Variants in TTL observed in about 807,000 individuals in gnomAD.
TTL encodes tubulin tyrosine ligase.
A neutral mutation model predicts 41.1 loss-of-function variants in TTL; 10 were observed. The ratio of observed to expected loss-of-function variants is 0.24; its 90% CI spans 0.15 to 0.41. TTL has a LOEUF of 0.41. Ranked by LOEUF, TTL falls within the 10% of genes least tolerant of loss-of-function variation. The pLI is 1.00. For missense variants in TTL, 367 were observed against 460.4 expected (o/e 0.80, Z 1.86); for synonymous variants, 175 against 175.5 (o/e 1.00, Z 0.02).
chr2:112,528,136 T>C (rs1682411745), intron 6 of TTL, among the ~76,000 whole-genome samples: 2 of 152,220 alleles, frequency 1.3e-5, no homozygotes, highest in South Asian at 4.1e-4. Context: ...TGTTGAATAT[T>C]GGCCCCCACT....
Position 112,535,941 on chromosome 2 carries a change from A to G in TTL, c.*7146A>G, listed in dbSNP as rs1682589403. The G allele has an allele frequency of 6.6e-6, 1 of 152,192 alleles. No homozygotes were observed. The highest frequency in any genetic ancestry group is 6.6e-5 in the Admixed American group (1 of 15,266). The allele number at this position is 152,192 out of a possible 1,614,324, so 9.4% of individuals were successfully genotyped here. ...CACCTTAGCCACCCAAGTAGCTGGA[A>G]CTATAGGTGCCTGCCACCATACTTG... On this transcript the variant is annotated 3_prime_UTR_variant, in exon 7 of 7. Transcript: ENST00000233336.
At chr2:112,528,569 A>G (rs1306948186) in intron 6 of TTL, 112 bp from the exon 7 acceptor site, 3 of 824,328 alleles carry the variant, frequency 3.6e-6, no homozygotes, top group Non-Finnish European at 6.0e-6. Flanking sequence ...GCACCACTGC[A>G]TGCCAACTTG....
intron 2 of TTL, among the ~76,000 whole-genome samples, chr2:112,490,168 C>A (rs1484169663): frequency 6.6e-6 from 1 of 152,172 alleles, no homozygotes; most frequent in Admixed American, 6.5e-5. Context: ...GTAATCCCAA[C>A]ACTTTCAGAG....
At chr2:112,485,828 A>G in intron 1 of TTL, 89 bp from the exon 2 acceptor site, 1 of 1,185,828 alleles carries the variant, frequency 8.4e-7, no homozygotes, top group Non-Finnish European at 1.2e-6. Context: ...TCCTGAGATG[A>G]GAGAGAGAAA....
intron 5 of TTL, among the ~76,000 whole-genome samples, chr2:112,514,325 T>G (rs1027201579): frequency 1.3e-5 from 2 of 151,148 alleles, no homozygotes; most frequent in Non-Finnish European, 2.9e-5. Context: ...GAAGTTGCAG[T>G]GAGCCAAAAT....
chr2:112,488,526 G>A (rs574425149), intron 2 of TTL, among the ~76,000 whole-genome samples: 1 of 152,166 alleles, frequency 6.6e-6, no homozygotes, highest in South Asian at 2.1e-4. Context: ...GGGAGTCTGA[G>A]GCGGACAGAT....
In TTL at chr2:112,538,112, CTAA is replaced by C. The variant is rs1461720161; in HGVS notation, c.*9325_*9327del. 3.3e-5 allele frequency: 5 copies of C among 152,166 alleles called. No homozygotes were observed. Among genetic ancestry groups the C allele is most frequent in the Admixed American group, 2.0e-4 (3 of 15,282 alleles). The allele number at this position is 152,166 out of a possible 1,614,324, so 9.4% of individuals were successfully genotyped here. A position where few individuals can be genotyped will look rare whatever the true frequency, so the allele number is the denominator to read the frequency against. ...GAAATATACAAGTAAAGAGGTTGGA[CTAA>C]TAATAATTCTTTTAAAACTTCCCAC... On this transcript the variant is annotated 3_prime_UTR_variant, in exon 7 of 7. Transcript: ENST00000233336.
Position 112,530,329 on chromosome 2 carries a change from T to C in TTL, c.*1534T>C. 4.3e-6 allele frequency: 1 copy of C among 232,204 alleles called. No individual in the cohort carries two copies. Among genetic ancestry groups the C allele is most frequent in the Non-Finnish European group, 8.5e-6 (1 of 117,370 alleles). The allele number at this position is 232,204 out of a possible 1,614,324, so 14.4% of individuals were successfully genotyped here. A position where few individuals can be genotyped will look rare whatever the true frequency, so the allele number is the denominator to read the frequency against. On this transcript the variant is annotated 3_prime_UTR_variant, in exon 7 of 7. Transcript: ENST00000233336. ...GTTGATAGGATGTGAGGGTGTTACC[T>C]TGGGGTGAAGTGGAGAAGGTCCCAG...
At chr2:112,517,096 A>G (rs1682091184) in intron 5 of TTL, among the ~76,000 whole-genome samples, 1 of 149,908 alleles carries the variant, frequency 6.7e-6, no homozygotes, top group South Asian at 2.1e-4. Flanking sequence ...GATGCACTGT[A>G]TAAGTCTCTG....
intron 5 of TTL, among the ~76,000 whole-genome samples, chr2:112,512,314 G>C (rs1038414794): frequency 1.3e-5 from 2 of 151,222 alleles, no homozygotes; most frequent in Non-Finnish European, 2.9e-5. Flanking sequence ...TCAGGCTGGA[G>C]TGCAGTGGCG....
At chr2:112,523,049 G>T (rs1270873249) in intron 6 of TTL, among the ~76,000 whole-genome samples, 1 of 152,078 alleles carries the variant, frequency 6.6e-6, no homozygotes, top group African/African-American at 2.4e-5. Context: ...CCACCTCCAA[G>T]GCCGCTGCCT....
intron 2 of TTL, among the ~76,000 whole-genome samples, chr2:112,489,945 G>C (rs564550558): frequency 6.6e-6 from 1 of 152,166 alleles, no homozygotes; most frequent in Non-Finnish European, 1.5e-5. Flanking sequence ...CTGAATTGGA[G>C]TTGAAAAGTA....
At chr2:112,485,107 G>A (rs1186106503) in intron 1 of TTL, among the ~76,000 whole-genome samples, 1 of 151,828 alleles carries the variant, frequency 6.6e-6, no homozygotes, top group Non-Finnish European at 1.5e-5. Context: ...GCGCCACCAC[G>A]CCCAGCTAGT....
At chr2:112,490,475 C>G (rs1258895064) in intron 2 of TTL, among the ~76,000 whole-genome samples, 1 of 150,956 alleles carries the variant, frequency 6.6e-6, no homozygotes, top group Non-Finnish European at 1.5e-5. Flanking sequence ...CAACATGTAA[C>G]ACATAATGCA....
At chr2:112,488,690 G>A (rs1681304242) in intron 2 of TTL, among the ~76,000 whole-genome samples, 5 of 151,870 alleles carry the variant, frequency 3.3e-5, no homozygotes, top group Non-Finnish European at 5.9e-5. Flanking sequence ...CCTGAGAGGT[G>A]GAGGTTGCAG....
In TTL at chr2:112,531,238, C is replaced by A; in HGVS notation, c.*2443C>A. On this transcript the variant is annotated 3_prime_UTR_variant, in exon 7 of 7. Transcript: ENST00000233336. The stretch of plus-strand genomic sequence containing the variant: ...TTGACACAGAAGGTTATGCCTGGCT[C>A]CCAGTCAGGCTTCATACTTTTGGTC... 4.4e-6 allele frequency: 1 copy of A among 224,802 alleles called. No individual in the cohort carries two copies. Among genetic ancestry groups the A allele is most frequent in the East Asian group, 6.4e-5 (1 of 15,534 alleles). The allele number at this position is 224,802 out of a possible 1,614,324, so 13.9% of individuals were successfully genotyped here.
chr2:112,520,453 C>A, intron 6 of TTL, 28 bp downstream of exon 6: 1 of 1,608,360 alleles, frequency 6.2e-7, no homozygotes, highest in Non-Finnish European at 8.5e-7. Flanking sequence ...TGTGTTTTTA[C>A]AAGTGGGAAG....
chr2:112,515,123 C>T (rs1264869965), intron 5 of TTL, among the ~76,000 whole-genome samples: 4 of 152,140 alleles, frequency 2.6e-5, no homozygotes, highest in African/African-American at 9.7e-5. Flanking sequence ...CCACTTGCCT[C>T]ATATTTTCTT....
Position 112,537,817 on chromosome 2 carries a change from C to T in TTL, c.*9022C>T, listed in dbSNP as rs1313924502. The T allele has an allele frequency of 6.6e-6, 1 of 152,146 alleles. No individual in the cohort carries two copies. Among genetic ancestry groups the T allele is most frequent in the African/African-American group, 2.4e-5 (1 of 41,432 alleles). The allele number at this position is 152,146 out of a possible 1,614,324, so 9.4% of individuals were successfully genotyped here. A position where few individuals can be genotyped will look rare whatever the true frequency, so the allele number is the denominator to read the frequency against. On this transcript the variant is annotated 3_prime_UTR_variant, in exon 7 of 7. Transcript: ENST00000233336. ...AACTCCATTTCAATAATAGCTAGAG[C>T]AACTAGGCAGAAGATCAACAAGAAA...
Sources: gnomAD v4.1 joint callset for allele counts (sites outside exome capture counted in the v4.1 genomes callset) on GRCh38, gnomAD v4.1.1 for gene constraint, MANE v1.5 for transcripts, NCBI Gene and HGNC (gene_info 2026-07-23, HGNC 2026-07-21) for gene names.